The following GFER variants were observed in gnomAD, a reference collection of about 807,000 sequenced individuals.
The protein encoded by GFER is growth factor, augmenter of liver regeneration.
A neutral mutation model predicts 18.2 loss-of-function variants in GFER; 24 were observed. The observed-to-expected ratio is 1.32, with a 90% CI of 0.96 to 1.86. The LOEUF (loss-of-function observed/expected upper bound fraction) is 1.86. Ranked by LOEUF, GFER falls within the 40% of genes most tolerant of loss-of-function variation. The pLI, the probability that GFER is intolerant of heterozygous loss-of-function variation, is 0.00. For synonymous variants in GFER, 138 were observed against 126.9 expected (o/e 1.09, Z -0.59); for missense variants, 316 against 295.6 (o/e 1.07, Z -0.51).
rs898349806 is a variant in GFER at position 1,984,836 on chromosome 16, C to T, written c.348C>T (p.Tyr116=). The change falls in exon 2 of 3, where the codon TAC becomes TAT. Residue 116 remains tyrosine, a synonymous_variant. Transcript: ENST00000248114. ...SWAVLHTLAA[Y]YPDLPTPEQQ... is the part of the protein sequence containing the mutation. Reference sequence around the variant, plus strand: ...CTGTCCTCCACACCCTGGCCGCCTACTACCCCGACCTGCCCACCCCAGAAC... The same window carrying T: ...CTGTCCTCCACACCCTGGCCGCCTATTACCCCGACCTGCCCACCCCAGAAC... 1 of 1,613,456 alleles carries T rather than the reference C, an allele frequency of 6.2e-7. No individual in the cohort carries two copies. The highest frequency in any genetic ancestry group is 8.5e-7 in the Non-Finnish European group (1 of 1,179,896).
chr16:1,986,043 G>C lies in GFER; in HGVS notation c.*15G>C, dbSNP rs1046494. The C allele has an allele frequency of 6.2e-7, 1 of 1,611,582 alleles. No homozygotes were observed. Among genetic ancestry groups the C allele is most frequent in the Non-Finnish European group, 8.5e-7 (1 of 1,179,608 alleles). On this transcript the variant is annotated 3_prime_UTR_variant, in exon 3 of 3. Coordinates refer to ENST00000248114, the MANE Select transcript of GFER (RefSeq NM_005262.3). Reference sequence around the variant, plus strand: ...CCTGTGACTAGAGGGTGGTCAGCCAGAGCTCATGGGACAGCTAGCCAGGCA... The same window carrying C: ...CCTGTGACTAGAGGGTGGTCAGCCACAGCTCATGGGACAGCTAGCCAGGCA...
chr16:1,984,316 A>G lies in GFER; in HGVS notation c.98A>G (p.Asp33Gly), dbSNP rs972973281. The G allele has an allele frequency of 6.8e-7, 1 of 1,480,910 alleles. No individual in the cohort carries two copies. Among genetic ancestry groups the G allele is most frequent in the Non-Finnish European group, 8.9e-7 (1 of 1,123,506 alleles). The allele number at this position is 1,480,910 out of a possible 1,614,324, so 91.7% of individuals were successfully genotyped here. A position where few individuals can be genotyped will look rare whatever the true frequency, so the allele number is the denominator to read the frequency against. ...GAGATGATGGACGACCTGGCGACCG[A>G]CGCGCGGGGCCGGGGCGCGGGGCGG... Reference protein sequence around the residue: ...RSEMMDDLATDARGRGAGRRD... With the variant: ...RSEMMDDLATGARGRGAGRRD... Residue 33 changes from aspartate to glycine, a missense_variant, in exon 1 of 3, where the codon GAC (aspartate) becomes GGC (glycine). Asp to Gly is a moderately conservative substitution (Grantham distance 94). Coordinates refer to ENST00000248114, the MANE Select transcript of GFER (RefSeq NM_005262.3).
At position 1,986,088 on chromosome 16, in the gene GFER, C is replaced by T; in HGVS notation, c.*60C>T. 1 of 1,548,568 alleles carries T rather than the reference C, an allele frequency of 6.5e-7. No individual in the cohort carries two copies. Among genetic ancestry groups the T allele is most frequent in the Non-Finnish European group, 8.9e-7 (1 of 1,127,518 alleles). Reference sequence around the variant, plus strand: ...CAGGCATGGTTGGATAGGGGCAGGGCACTCATTAAAGTGCATCACAGCCAG... The same window carrying T: ...CAGGCATGGTTGGATAGGGGCAGGGTACTCATTAAAGTGCATCACAGCCAG... On this transcript the variant is annotated 3_prime_UTR_variant, in exon 3 of 3. Transcript: ENST00000248114.
At chr16:1,985,153 C>G (rs554260646) in intron 2 of GFER, 71 of 620,386 alleles carry the variant, frequency 1.1e-4, no homozygotes, top group South Asian at 1.1e-3. Context: ...CTGCTGGGTA[C>G]TGCTCCTGCC....
Position 1,986,282 on chromosome 16 carries a change from G to A in GFER, c.*254G>A. 2 of 528,162 alleles carry A rather than the reference G, an allele frequency of 3.8e-6. No individual in the cohort carries two copies. The highest frequency in any genetic ancestry group is 3.9e-5 in the South Asian group (2 of 50,900). The allele number at this position is 528,162 out of a possible 1,614,324, so 32.7% of individuals were successfully genotyped here. A position where few individuals can be genotyped will look rare whatever the true frequency, so the allele number is the denominator to read the frequency against. On this transcript the variant is annotated 3_prime_UTR_variant, in exon 3 of 3. Transcript: ENST00000248114. ...AGCTGAACTGCAGGGGAGGGAAGGA[G>A]GAGCAGCCTGGGCTGCCCCTTGACA...
At position 1,985,930 on chromosome 16, in the gene GFER, C is replaced by G. The variant is rs746842124; in HGVS notation, c.520C>G (p.His174Asp). ...CTTCACACAGTGGCTGTGCCACCTG[C>G]ACAATGAAGTGAACCGCAAGCTGGG... Reference protein sequence around the residue: ...ACFTQWLCHLHNEVNRKLGKP... With the variant: ...ACFTQWLCHLDNEVNRKLGKP... The change falls in exon 3 of 3, where the codon CAC (histidine) becomes GAC (aspartate). Residue 174 changes from histidine to aspartate, a missense_variant. His to Asp is a moderately conservative substitution (Grantham distance 81, BLOSUM62 -1). Coordinates refer to ENST00000248114, the MANE Select transcript of GFER (RefSeq NM_005262.3). The G allele has an allele frequency of 3.7e-6, 6 of 1,612,874 alleles. No homozygotes were observed. In the African/African-American group the frequency reaches 8.0e-5, roughly 22 times the overall value.
rs1181856698 is a variant in GFER at position 1,985,901 on chromosome 16, C to T, written c.491C>T (p.Ala164Val). 1 of 1,612,982 alleles carries T rather than the reference C, an allele frequency of 6.2e-7. No homozygotes were observed. Among genetic ancestry groups the T allele is most frequent in the Admixed American group, 1.7e-5 (1 of 60,032 alleles). ...AACCACCCAGACACCCGCACCCGGG[C>T]ATGCTTCACACAGTGGCTGTGCCAC... ...CRNHPDTRTR[A>V]CFTQWLCHLH... Residue 164 changes from alanine (A) to valine (V), a missense_variant, in exon 3 of 3, where the codon GCA becomes GTA. Transcript: ENST00000248114.
chr16:1,984,250 A>G lies in GFER; in HGVS notation c.32A>G (p.His11Arg). The G allele has an allele frequency of 1.1e-5, 16 of 1,475,698 alleles. No individual in the cohort carries two copies. The highest frequency in any genetic ancestry group is 1.4e-5 in the Non-Finnish European group (16 of 1,120,478). 91.4% of individuals were successfully genotyped at this position (1,475,698 alleles called of 1,614,324 possible). MAAPGERGRF[H>R]GGNLFFLPGG... is the part of the protein sequence containing the mutation. ...GCGCCCGGCGAGCGGGGCCGCTTCC[A>G]CGGCGGGAACCTCTTCTTCCTGCCG... Residue 11 changes from histidine to arginine, a missense_variant, in exon 1 of 3, where the codon CAC (histidine) becomes CGC (arginine). His to Arg is a conservative substitution (Grantham distance 29). Coordinates refer to ENST00000248114, the MANE Select transcript of GFER (RefSeq NM_005262.3).
chr16:1,984,542 C>T (rs2083551900), intron 1 of GFER, 66 bp downstream of exon 1: 1 of 1,510,312 alleles, frequency 6.6e-7, no homozygotes. Context: ...GCCCAGGTAC[C>T]CCGGCAGAGC....
chr16:1,985,426 G>A (rs1211198100), intron 2 of GFER, among the ~76,000 whole-genome samples: 1 of 152,208 alleles, frequency 6.6e-6, no homozygotes. Context: ...TGGTCAGTTA[G>A]AATGAAGTCT....
chr16:1,985,944 C>A lies in GFER; in HGVS notation c.534C>A (p.Asn178Lys). The A allele has an allele frequency of 6.2e-7, 1 of 1,613,104 alleles. No individual in the cohort carries two copies. Among genetic ancestry groups the A allele is most frequent in the Non-Finnish European group, 8.5e-7 (1 of 1,180,004 alleles). ...TGTGCCACCTGCACAATGAAGTGAA[C>A]CGCAAGCTGGGCAAGCCTGACTTCG... The part of the protein sequence containing the change: ...QWLCHLHNEV[N>K]RKLGKPDFDC... The change falls in exon 3 of 3, where the codon AAC becomes AAA. Residue 178 changes from asparagine to lysine, a missense_variant. Asn to Lys is a moderately conservative substitution (Grantham distance 94, BLOSUM62 0). Transcript: ENST00000248114.
intron 1 of GFER, 38 bp from the exon 2 acceptor site, chr16:1,984,709 G>A: frequency 6.4e-7 from 1 of 1,569,788 alleles, no homozygotes; most frequent in South Asian, 1.1e-5. Context: ...GCCTTTGTTC[G>A]GAGAATGAAC....
In GFER at chr16:1,986,495, C is replaced by T; in HGVS notation, c.*467C>T. 1 of 290,326 alleles carries T rather than the reference C, an allele frequency of 3.4e-6. No homozygotes were observed. The highest frequency in any genetic ancestry group is 3.3e-5 in the South Asian group (1 of 30,700). The allele number at this position is 290,326 out of a possible 1,614,324, so 18.0% of individuals were successfully genotyped here. On this transcript the variant is annotated 3_prime_UTR_variant, in exon 3 of 3. Transcript: ENST00000248114. ...GCTCACTTTAGGGGGCTCAATTCTC[C>T]ACTCTGCTCAGTCCCTACAGGGAAA...
intron 1 of GFER, 133 bp downstream of exon 1, chr16:1,984,609 C>G (rs554223803): frequency 1.5e-5 from 20 of 1,366,040 alleles, no homozygotes; most frequent in Non-Finnish European, 1.9e-5. Context: ...GCCTTACAGC[C>G]TTCATCCGCG....
intron 1 of GFER, 79 bp from the exon 2 acceptor site, chr16:1,984,668 C>T (rs754277823): frequency 3.5e-6 from 5 of 1,431,614 alleles, no homozygotes; most frequent in African/African-American, 1.4e-5. Context: ...AGTGGGCCAC[C>T]GGCTGGGCCG....
chr16:1,984,500 C>T, intron 1 of GFER, 24 bp downstream of exon 1: 1 of 1,552,070 alleles, frequency 6.4e-7, no homozygotes. Flanking sequence ...CCCGATTTCT[C>T]CCAGCCCCGC....
chr16:1,984,585 C>T (rs2150895188), intron 1 of GFER, 109 bp downstream of exon 1: 5 of 1,385,086 alleles, frequency 3.6e-6, no homozygotes, highest in Non-Finnish European at 5.0e-6. Context: ...AACCTTGCCC[C>T]CCGGGTAGGC....
Position 1,984,730 on chromosome 16 carries a change from T to G in GFER, c.259-17T>G. On this transcript the variant is annotated splice_polypyrimidine_tract_variant and intron_variant, in intron 1 of 2. Transcript: ENST00000248114. ...GTTCGGAGAATGAACTCACTCTCGG[T>G]CGGCCTGCTTCCGCAGCGGGACACC... 1 of 1,602,092 alleles carries G rather than the reference T, an allele frequency of 6.2e-7. No homozygotes were observed. Among genetic ancestry groups the G allele is most frequent in the Non-Finnish European group, 8.5e-7 (1 of 1,177,774 alleles).
Position 1,984,406 on chromosome 16 carries a change from AGGACGCCTCCC to A in GFER, c.192_202del (p.Asp64GlufsTer25). 2 of 1,539,060 alleles carry A rather than the reference AGGACGCCTCCC, an allele frequency of 1.3e-6. No individual in the cohort carries two copies. Among genetic ancestry groups the A allele is most frequent in the Non-Finnish European group, 8.7e-7 (1 of 1,146,436 alleles). ...CCGACCTCCGATTCTCCTGTCGCCG[AGGACGCCTCCC>A]GGAGGCGGCCGTGCCGGGCCTGCGT... On this transcript the variant is annotated frameshift_variant, in exon 1 of 3. Coordinates refer to ENST00000248114, the MANE Select transcript of GFER (RefSeq NM_005262.3). LOFTEE classifies it high-confidence loss of function.
Sources: gnomAD v4.1 joint callset for allele counts (sites outside exome capture counted in the v4.1 genomes callset) on GRCh38, gnomAD v4.1.1 for gene constraint, MANE v1.5 for transcripts, NCBI Gene and HGNC (gene_info 2026-07-23, HGNC 2026-07-21) for gene names.